MPZL2: variants seen among roughly 807,000 people sequenced by gnomAD.
The protein encoded by MPZL2 is myelin protein zero-like protein 2.
A neutral mutation model predicts 24.5 loss-of-function variants in MPZL2; 32 were observed. That is an observed-to-expected ratio of 1.31 (90% CI 0.99 to 1.76). The LOEUF is 1.76. Ranked by LOEUF, MPZL2 falls within the 40% of genes most tolerant of loss-of-function variation. The pLI is 0.00. For missense variants in MPZL2, 304 were observed against 274.9 expected, an observed-to-expected ratio of 1.11 and a Z score of -0.75; for synonymous variants, 92 against 97.9, an observed-to-expected ratio of 0.94 and a Z score of 0.36.
chr11:118,257,279 C>T lies in MPZL2; in HGVS notation c.619G>A (p.Val207Ile). The change falls in exon 5 of 6, where the codon GTC (valine) becomes ATC (isoleucine). Residue 207 changes from valine to isoleucine, a missense_variant. Physicochemically the swap from Val to Ile is conservative, Grantham distance 29. Transcript: ENST00000278937. ...EEERLNQEKK[V>I]SVYLEDTD ...TCTGTGTCTTCTAAATAAACAGAGA[C>T]CTTTTTCTCTTGGTTGAGCCTTTCC... 1.9e-6 allele frequency: 3 copies of T among 1,611,744 alleles called. No homozygotes were observed. The highest frequency in any genetic ancestry group is 2.5e-6 in the Non-Finnish European group (3 of 1,178,878).
intron 1 of MPZL2, 113 bp downstream of exon 1, chr11:118,263,983 T>C: frequency 9.0e-7 from 1 of 1,114,932 alleles, no homozygotes; most frequent in Non-Finnish European, 1.3e-6. Context: ...AAACAAACTG[T>C]ATCTGTGGCT....
intron 3 of MPZL2, 29 bp downstream of exon 3, chr11:118,262,409 C>A: frequency 6.2e-7 from 1 of 1,609,400 alleles, no homozygotes. Context: ...CTCATCCTTT[C>A]CAAAACCACT....
intron 5 of MPZL2, among the ~76,000 whole-genome samples, chr11:118,255,997 A>G (rs1011581257): frequency 1.6e-4 from 25 of 152,168 alleles, no homozygotes; most frequent in Non-Finnish European, 3.4e-4. Context: ...CATGACCCCA[A>G]GTTGTTAGAT....
rs777193623 is a variant in MPZL2, at chr11:118,262,425, C to T, written c.436+13G>A. 6.2e-7 allele frequency: 1 copy of T among 1,612,902 alleles called. No individual in the cohort carries two copies. The highest frequency in any genetic ancestry group is 1.3e-5 in the African/African-American group (1 of 74,986). On this transcript the variant is annotated intron_variant, in intron 3 of 5. Coordinates refer to ENST00000278937, the MANE Select transcript of MPZL2 (RefSeq NM_005797.4). ...TCATCCTTTCCAAAACCACTGTTCC[C>T]TGCATAACCTACCAGTGTGCACGAC... is the stretch of plus-strand genomic sequence containing the variant.
intron 5 of MPZL2, 36 bp downstream of exon 5, chr11:118,257,202 G>A (rs368354552): frequency 6.8e-7 from 1 of 1,480,858 alleles, no homozygotes; most frequent in East Asian, 2.3e-5. Context: ...ATGTCAGAAA[G>A]CTGAAGAAAG....
In MPZL2 at chr11:118,260,139, T is replaced by C. The variant is rs138264622; in HGVS notation, c.499A>G (p.Ile167Val). Residue 167 changes from isoleucine (I) to valine (V), a missense_variant, in exon 4 of 6, where the codon ATA becomes GTA. Physicochemically the swap from Ile to Val is conservative, Grantham distance 29. Transcript: ENST00000278937. ...AAGAGGACCACTACAATTACTATTA[T>C]GATCATCAGTGCACAGGCAGAGCCA... ...AIGSACALMI[I>V]IVIVVVLFQH... 6 of 1,614,130 alleles carry C rather than the reference T, an allele frequency of 3.7e-6. No individual in the cohort carries two copies. In the African/African-American group the frequency reaches 5.3e-5, roughly 14 times the overall value.
chr11:118,257,621 CA>C (rs144712258), intron 4 of MPZL2: 3,304 of 209,068 alleles, frequency 0.016, 26 homozygotes, highest in African/African-American at 0.024. Context: ...ATTTGTTATT[CA>C]AAAAAAAAAT....
intron 5 of MPZL2, among the ~76,000 whole-genome samples, 181 bp from the exon 6 acceptor site, chr11:118,255,414 G>A (rs1167202926): frequency 6.6e-6 from 1 of 152,106 alleles, no homozygotes; most frequent in Admixed American, 6.5e-5. Flanking sequence ...ATAATTTTCA[G>A]AGTTAGTATC....
Position 118,262,522 on chromosome 11 carries a change from T to G in MPZL2, c.352A>C (p.Asn118His), listed in dbSNP as rs139437329. 5.3e-5 allele frequency: 85 copies of G among 1,614,158 alleles called. No individual in the cohort carries two copies. In the African/African-American group the frequency reaches 1.1e-3, roughly 20 times the overall value. The change falls in exon 3 of 6, where the codon AAT becomes CAT. Residue 118 changes from asparagine to histidine, a missense_variant. Transcript: ENST00000278937. ...ILLWKLQFDD[N>H]GTYTCQVKNP... ...TTCACCTGGCAGGTGTATGTCCCAT[T>G]GTCGTCGAACTGCAGTTTCCAGAGA...
chr11:118,259,473 C>G (rs1393918313), intron 4 of MPZL2: 1 of 152,052 alleles, frequency 6.6e-6, no homozygotes, highest in African/African-American at 2.4e-5. Context: ...TCCATAGAGA[C>G]AGAAAGTAGA....
In MPZL2 at chr11:118,257,223, A is replaced by G; in HGVS notation, c.*12+15T>C. On this transcript the variant is annotated intron_variant, in intron 5 of 5. Transcript: ENST00000278937. ...GAAAGCTGAAGAAAGAAATCAACCT[A>G]TTTGTGAACCTTACCATCTAAAATT... 3.8e-6 allele frequency: 6 copies of G among 1,579,542 alleles called. No homozygotes were observed. The highest frequency in any genetic ancestry group is 5.2e-6 in the Non-Finnish European group (6 of 1,151,446).
rs757515571 is a variant in MPZL2, at chr11:118,264,095, C to G, written c.58+1G>C. ...TCTGAGAGAAGCCCGCCGGCTCTTA[C>G]CTGTGAGCTGTATGCCAAGGAGAAG... On this transcript the variant is annotated splice_donor_variant, in intron 1 of 5. Transcript: ENST00000278937. LOFTEE classifies it high-confidence loss of function. The G allele has an allele frequency of 1.2e-6, 2 of 1,614,038 alleles. No homozygotes were observed. The highest frequency in any genetic ancestry group is 1.7e-6 in the Non-Finnish European group (2 of 1,179,944).
chr11:118,257,249 G>T lies in MPZL2; in HGVS notation c.*1C>A, dbSNP rs1041675126. 4 of 1,608,160 alleles carry T rather than the reference G, an allele frequency of 2.5e-6. No homozygotes were observed. The highest frequency in any genetic ancestry group is 3.4e-6 in the Non-Finnish European group (4 of 1,176,348). ...TTTGTGAACCTTACCATCTAAAATT[G>T]TTAGTCTGTGTCTTCTAAATAAACA... On this transcript the variant is annotated 3_prime_UTR_variant, in exon 5 of 6. Coordinates refer to ENST00000278937, the MANE Select transcript of MPZL2 (RefSeq NM_005797.4).
intron 5 of MPZL2, among the ~76,000 whole-genome samples, chr11:118,255,437 C>T (rs1949654438): frequency 6.6e-6 from 1 of 152,120 alleles, no homozygotes; most frequent in Non-Finnish European, 1.5e-5. Context: ...TAAATCATGG[C>T]CTCTAAGTAC....
At chr11:118,259,826 C>CA in intron 4 of MPZL2, 1 of 360,946 alleles carries the variant, frequency 2.8e-6, no homozygotes, top group Non-Finnish European at 4.6e-6. Flanking sequence ...GTAAAATCAA[C>CA]CCCCCCACAT....
chr11:118,263,406 C>T (rs181507471), intron 1 of MPZL2, among the ~76,000 whole-genome samples: 63 of 152,150 alleles, frequency 4.1e-4, no homozygotes, highest in Non-Finnish European at 6.9e-4. Flanking sequence ...TACAAACATC[C>T]GCAAATAGAA....
chr11:118,257,298 C>A lies in MPZL2; in HGVS notation c.600G>T (p.Arg200Ser). Residue 200 changes from arginine to serine, a missense_variant, in exon 5 of 6, where the codon AGG becomes AGT. Arg to Ser is a moderately radical substitution (Grantham distance 110). Transcript: ENST00000278937. ...VVEIKSKEEE[R>S]LNQEKKVSVY... Reference sequence around the variant, plus strand: ...CAGAGACCTTTTTCTCTTGGTTGAGCCTTTCCTCTTCTTTTCTGTAACAAG... The same window carrying A: ...CAGAGACCTTTTTCTCTTGGTTGAGACTTTCCTCTTCTTTTCTGTAACAAG... 6.2e-7 allele frequency: 1 copy of A among 1,611,294 alleles called. No individual in the cohort carries two copies. Among genetic ancestry groups the A allele is most frequent in the Non-Finnish European group, 8.5e-7 (1 of 1,178,668 alleles).
rs1316926478 is a variant in MPZL2 at position 118,254,403 on chromosome 11, C to T, written c.*843G>A. 6.6e-6 allele frequency: 1 copy of T among 152,084 alleles called. No homozygotes were observed. Among genetic ancestry groups the T allele is most frequent in the Non-Finnish European group, 1.5e-5 (1 of 68,032 alleles). 9.4% of individuals were successfully genotyped at this position (152,084 alleles called of 1,614,324 possible). Reference sequence around the variant, plus strand: ...TTAATGATTCCAGTCTGCAAATGAGCATAGACTTTGCTCTGTTGTTATAGA... The same window carrying T: ...TTAATGATTCCAGTCTGCAAATGAGTATAGACTTTGCTCTGTTGTTATAGA... On this transcript the variant is annotated 3_prime_UTR_variant, in exon 6 of 6. Coordinates refer to ENST00000278937, the MANE Select transcript of MPZL2 (RefSeq NM_005797.4).
intron 3 of MPZL2, 41 bp from the exon 4 acceptor site, chr11:118,260,242 G>T: frequency 6.3e-7 from 1 of 1,596,056 alleles, no homozygotes; most frequent in Non-Finnish European, 8.6e-7. Flanking sequence ...CTAAAAAGAA[G>T]AGGACTACAA....
Sources: allele counts gnomAD v4.1 joint callset (sites outside exome capture counted in the v4.1 genomes callset), GRCh38; gene constraint gnomAD v4.1.1; transcripts MANE v1.5; gene names NCBI Gene and HGNC (gene_info 2026-07-23, HGNC 2026-07-21).